Variants in RBFOX1 observed in about 807,000 individuals in gnomAD.
The protein encoded by RBFOX1 is RNA binding fox-1 homolog 1, also known as RNA binding protein fox-1 homolog 1.
A neutral mutation model predicts 57.7 loss-of-function variants in RBFOX1; 8 were observed. That is an observed-to-expected ratio of 0.14 (90% CI 0.08 to 0.25). The LOEUF (loss-of-function observed/expected upper bound fraction) is 0.25, where lower values mean the gene tolerates loss of function less well. Ranked by LOEUF, RBFOX1 falls within the 10% of genes least tolerant of loss-of-function variation. RBFOX1 has a pLI of 1.00. For synonymous variants in RBFOX1, 326 were observed against 222.4 expected (o/e 1.47, Z -4.15); for missense variants, 611 against 548.5 (o/e 1.11, Z -1.14).
chr16:6,435,334 T>A (rs1237287682), intron 2 of RBFOX1, among the ~76,000 whole-genome samples: 1 of 140,954 alleles, frequency 7.1e-6, no homozygotes, highest in African/African-American at 2.8e-5. Context: ...AGTGTCTCAT[T>A]CTGTCGCCCA....
chr16:7,580,504 C>T (rs1507004), intron 6 of RBFOX1, among the ~76,000 whole-genome samples: 2 of 152,106 alleles, frequency 1.3e-5, no homozygotes, highest in African/African-American at 2.4e-5. Context: ...CTGAAGTCTA[C>T]GTTCTTCTGA....
At chr16:6,424,620 C>CGTGTGTGTGT (rs143990992) in intron 2 of RBFOX1, among the ~76,000 whole-genome samples, 6 of 150,590 alleles carry the variant, frequency 4.0e-5, no homozygotes, top group East Asian at 2.0e-4. Flanking sequence ...TGTGTGTGTG[C>CGTGTGTGTGT]GTGTGTGTGA....
intron 4 of RBFOX1, among the ~76,000 whole-genome samples, chr16:7,365,136 G>A (rs2097417083): frequency 6.6e-6 from 1 of 152,126 alleles, no homozygotes; most frequent in South Asian, 2.1e-4. Context: ...CCTCATGATG[G>A]ATAGGGTTTC....
chr16:7,264,718 A>G (rs2095061193), intron 4 of RBFOX1, among the ~76,000 whole-genome samples: 3 of 152,204 alleles, frequency 2.0e-5, no homozygotes, highest in African/African-American at 7.2e-5. Flanking sequence ...TTTTTTAAAA[A>G]AATGTAATCA....
chr16:6,525,077 C>T (rs972888306), intron 2 of RBFOX1, among the ~76,000 whole-genome samples: 3 of 152,164 alleles, frequency 2.0e-5, no homozygotes, highest in Non-Finnish European at 4.4e-5. Flanking sequence ...AGGACATTCC[C>T]TCCCTCCACC....
chr16:6,394,604 C>G (rs893401485), intron 2 of RBFOX1, among the ~76,000 whole-genome samples: 7 of 151,588 alleles, frequency 4.6e-5, no homozygotes, highest in African/African-American at 1.7e-4. Flanking sequence ...TTCAAAGTAA[C>G]TTTCCTGGAT....
chr16:5,275,406 A>G (rs2063116936), intron 1 of RBFOX1, among the ~76,000 whole-genome samples: 1 of 152,240 alleles, frequency 6.6e-6, no homozygotes, highest in African/African-American at 2.4e-5. Flanking sequence ...ACCAACAGCA[A>G]CCAGGCTGAG....
chr16:7,176,242 C>G (rs1191646897), intron 4 of RBFOX1, among the ~76,000 whole-genome samples: 1 of 109,258 alleles, frequency 9.2e-6, no homozygotes, highest in Non-Finnish European at 1.8e-5. Context: ...TTCTTAAAAT[C>G]ATGGATAGGA....
At chr16:6,786,707 C>T (rs979898576) in intron 3 of RBFOX1, among the ~76,000 whole-genome samples, 1 of 152,146 alleles carries the variant, frequency 6.6e-6, no homozygotes, top group Non-Finnish European at 1.5e-5. Flanking sequence ...GGGACCCTAG[C>T]ACTACGGTGC....
chr16:6,579,504 A>G lies in RBFOX1; in HGVS notation c.-63-75099A>G, dbSNP rs187642510. Among the ~76,000 whole-genome samples the G allele has an allele frequency of 1.1e-4, 16 of 152,306 alleles. 1 individual carries two copies. The highest frequency in any genetic ancestry group is 2.6e-4 in the Admixed American group (4 of 15,298). Reference sequence around the variant, plus strand: ...GTTACTTCCATGCTGTTCTTGGGATAGGGAGCGAGTTCTCACAAAACCTAA... The same window carrying G: ...GTTACTTCCATGCTGTTCTTGGGATGGGGAGCGAGTTCTCACAAAACCTAA... On this transcript the variant is annotated intron_variant, in intron 2 of 15. Coordinates refer to ENST00000550418, the MANE Select transcript of RBFOX1 (RefSeq NM_018723.4).
intron 4 of RBFOX1, among the ~76,000 whole-genome samples, chr16:5,942,619 C>T (rs1261868031): frequency 6.6e-6 from 1 of 152,064 alleles, no homozygotes; most frequent in Non-Finnish European, 1.5e-5. Context: ...GCTTTTATTA[C>T]TTTTACAGAG....
chr16:6,748,560 G>C (rs911951876), intron 3 of RBFOX1, among the ~76,000 whole-genome samples: 2 of 152,142 alleles, frequency 1.3e-5, no homozygotes. Flanking sequence ...CAGCTTGGGA[G>C]GCTGAAGTGG....
chr16:7,385,931 T>TTTA (rs2148192915), intron 4 of RBFOX1, among the ~76,000 whole-genome samples: 1 of 126,510 alleles, frequency 7.9e-6, no homozygotes, highest in African/African-American at 2.7e-5. Context: ...TATTTATTTA[T>TTTA]TTATTTATTT....
At chr16:5,758,525 C>T (rs748402572) in intron 3 of RBFOX1, among the ~76,000 whole-genome samples, 50 of 152,218 alleles carry the variant, frequency 3.3e-4, no homozygotes, top group Non-Finnish European at 1.2e-4. Context: ...CCAAAGTGAG[C>T]CATTTCTGTG....
chr16:7,178,771 T>A (rs2082142217), intron 4 of RBFOX1, among the ~76,000 whole-genome samples: 1 of 152,228 alleles, frequency 6.6e-6, no homozygotes, highest in Admixed American at 6.5e-5. Context: ...CACATTATAC[T>A]GACCAAATGT....
chr16:7,037,024 G>A (rs988672912), intron 3 of RBFOX1, among the ~76,000 whole-genome samples: 8 of 152,128 alleles, frequency 5.3e-5, no homozygotes, highest in African/African-American at 1.9e-4. Flanking sequence ...CATGGTGCCA[G>A]TGGGAGTGTG....
intron 1 of RBFOX1, among the ~76,000 whole-genome samples, chr16:6,213,478 G>C (rs531102644): frequency 6.6e-6 from 1 of 152,258 alleles, no homozygotes; most frequent in African/African-American, 2.4e-5. Context: ...TTGAACTACT[G>C]CCTGAGAGTC....
intron 4 of RBFOX1, among the ~76,000 whole-genome samples, chr16:7,245,076 A>G (rs546319718): frequency 6.6e-6 from 1 of 152,286 alleles, no homozygotes; most frequent in Non-Finnish European, 1.5e-5. Flanking sequence ...AGAGAGTCTG[A>G]AAAGTCTTAT....
intron 3 of RBFOX1, among the ~76,000 whole-genome samples, chr16:6,758,089 A>G (rs948217084): frequency 6.6e-6 from 1 of 152,160 alleles, no homozygotes; most frequent in African/African-American, 2.4e-5. Context: ...CAGGACACAG[A>G]AAGTTAAGTA....
Sources: allele counts gnomAD v4.1 joint callset (sites outside exome capture counted in the v4.1 genomes callset), GRCh38; gene constraint gnomAD v4.1.1; transcripts MANE v1.5; gene names NCBI Gene and HGNC (gene_info 2026-07-23, HGNC 2026-07-21).